Variants in ALG9 observed in about 807,000 individuals in gnomAD.
The protein encoded by ALG9 is alpha-1,2-mannosyltransferase ALG9.
In ALG9, 55 loss-of-function variants were observed where a neutral mutation model predicts 81.8. That is an observed-to-expected ratio of 0.67 (90% CI 0.54 to 0.84). ALG9 has a LOEUF of 0.84. ALG9 is among the 40% of genes least tolerant of loss of function. ALG9 has a pLI of 0.00. For missense variants in ALG9, 629 were observed against 745.0 expected (o/e 0.84, Z 1.81); for synonymous variants, 278 against 274.3 (o/e 1.01, Z -0.13).
At chr11:111,789,125 A>C (rs1946966171) in intron 14 of ALG9, among the ~76,000 whole-genome samples, 3 of 151,104 alleles carry the variant, frequency 2.0e-5, no homozygotes, top group Admixed American at 2.0e-4. Flanking sequence ...TTACAGGCGC[A>C]AGCGACCTCG....
In ALG9 at chr11:111,782,827, T is replaced by C. The variant is rs1256916431; in HGVS notation, c.*3570A>G. 6.6e-6 allele frequency: 1 copy of C among 152,136 alleles called. No individual in the cohort carries two copies. Among genetic ancestry groups the C allele is most frequent in the African/African-American group, 2.4e-5 (1 of 41,422 alleles). The allele number at this position is 152,136 out of a possible 1,614,324, so 9.4% of individuals were successfully genotyped here. On this transcript the variant is annotated 3_prime_UTR_variant, in exon 15 of 15. Coordinates refer to ENST00000616540, the MANE Select transcript of ALG9 (RefSeq NM_024740.2). ...TCCTAGAACTCCAAAGTTGGAAAAA[T>C]GACCCAGATAAATGATTGGGATAAA...
chr11:111,865,031 C>T (rs782647731), intron 4 of ALG9, 150 bp downstream of exon 4: 101 of 491,206 alleles, frequency 2.1e-4, no homozygotes, highest in Admixed American at 8.6e-4. Flanking sequence ...CCCGCCTTGG[C>T]CTCCCAAAGT....
At chr11:111,803,827 C>T (rs1367914557) in intron 14 of ALG9, among the ~76,000 whole-genome samples, 1 of 151,970 alleles carries the variant, frequency 6.6e-6, no homozygotes, top group Non-Finnish European at 1.5e-5. Flanking sequence ...GGCCACAGAC[C>T]TAAATGTAAA....
At chr11:111,811,307 C>T (rs567436107) in intron 13 of ALG9, among the ~76,000 whole-genome samples, 12 of 152,166 alleles carry the variant, frequency 7.9e-5, no homozygotes, top group Non-Finnish European at 1.3e-4. Context: ...CTTTGGGAGG[C>T]CCAGGTGGAC....
Position 111,783,937 on chromosome 11 carries a change from A to C in ALG9, c.*2460T>G, listed in dbSNP as rs1383009569. Reference sequence around the variant, plus strand: ...GTTTTGTTTTTTTAAAAAAAAAAAAAAACAAGATGACAAAACAGATAAAAC... The same window carrying C: ...GTTTTGTTTTTTTAAAAAAAAAAAACAACAAGATGACAAAACAGATAAAAC... On this transcript the variant is annotated 3_prime_UTR_variant, in exon 15 of 15. Coordinates refer to ENST00000616540, the MANE Select transcript of ALG9 (RefSeq NM_024740.2). 2.1e-5 allele frequency: 3 copies of C among 139,858 alleles called. No individual in the cohort carries two copies. Among genetic ancestry groups the C allele is most frequent in the South Asian group, 4.5e-4 (2 of 4,424 alleles). 8.7% of individuals were successfully genotyped at this position (139,858 alleles called of 1,614,324 possible). A position where few individuals can be genotyped will look rare whatever the true frequency, so the allele number is the denominator to read the frequency against.
intron 6 of ALG9, 41 bp downstream of exon 6, chr11:111,857,561 A>T (rs781870200): frequency 1.2e-6 from 2 of 1,613,422 alleles, no homozygotes; most frequent in East Asian, 2.2e-5. Flanking sequence ...GATTTACTAT[A>T]TGCCCAGCGA....
chr11:111,871,225 G>A (rs1964193245), intron 1 of ALG9, 127 bp downstream of exon 1: 2 of 1,312,572 alleles, frequency 1.5e-6, no homozygotes, highest in Non-Finnish European at 1.9e-6. Context: ...AGCTGAAGAG[G>A]GAGCTCGGGC....
chr11:111,780,674 AG>A (rs1164418267), downstream of ALG9, among the ~76,000 whole-genome samples: 2 of 152,128 alleles, frequency 1.3e-5, no homozygotes, highest in Non-Finnish European at 2.9e-5. Context: ...TGGAATTACA[AG>A]CATGAGCCAC....
intron 9 of ALG9, 136 bp from the exon 10 acceptor site, chr11:111,840,945 C>T (rs1030143303): frequency 1.9e-6 from 2 of 1,031,596 alleles, no homozygotes; most frequent in Non-Finnish European, 2.9e-6. Context: ...CTTGTATTCA[C>T]ACTTTCTCCA....
chr11:111,833,459 C>A (rs1484414368), intron 13 of ALG9, among the ~76,000 whole-genome samples: 1 of 152,158 alleles, frequency 6.6e-6, no homozygotes, highest in African/African-American at 2.4e-5. Context: ...ACCACAGAAC[C>A]TTTACACTTA....
At chr11:111,802,772 C>T (rs987680423) in intron 14 of ALG9, among the ~76,000 whole-genome samples, 1 of 152,148 alleles carries the variant, frequency 6.6e-6, no homozygotes, top group African/African-American at 2.4e-5. Context: ...TACATGGCCC[C>T]GTTTAAGGCT....
rs55845017 is a variant in ALG9, at chr11:111,818,273, A to G, written c.1603-8500T>C. Among the ~76,000 whole-genome samples the G allele has an allele frequency of 6.5e-3, 994 of 152,340 alleles. 6 individuals carry two copies. The highest frequency in any genetic ancestry group is 0.013 in the South Asian group (65 of 4,828). ...TAACGAGGGAGACAGGTTTTGAGAA[A>G]TGTGTCTTAGATGATTTCATCATTA... On this transcript the variant is annotated intron_variant, in intron 13 of 14. Coordinates refer to ENST00000616540, the MANE Select transcript of ALG9 (RefSeq NM_024740.2).
intron 14 of ALG9, among the ~76,000 whole-genome samples, chr11:111,803,204 G>C (rs1555081957): frequency 1.3e-5 from 2 of 152,064 alleles, no homozygotes. Flanking sequence ...AAATAATATT[G>C]AAGAAGAACA....
At chr11:111,861,252 T>C (rs1555147670) in intron 4 of ALG9, among the ~76,000 whole-genome samples, 2 of 152,236 alleles carry the variant, frequency 1.3e-5, no homozygotes, top group African/African-American at 4.8e-5. Flanking sequence ...ATTAAATGTA[T>C]TTAGGCATTA....
chr11:111,834,469 A>G (rs1188670803), intron 13 of ALG9, among the ~76,000 whole-genome samples: 3 of 152,208 alleles, frequency 2.0e-5, no homozygotes, highest in Admixed American at 1.3e-4. Context: ...GCATAAGAAC[A>G]TTGCATTTTT....
intron 9 of ALG9, among the ~76,000 whole-genome samples, 170 bp from the exon 10 acceptor site, chr11:111,840,979 GAGA>G (rs1956131589): frequency 6.6e-6 from 1 of 152,180 alleles, no homozygotes; most frequent in Admixed American, 6.5e-5. Context: ...ATCAAAAGGA[GAGA>G]AGAATATACT....
chr11:111,870,893 G>C, intron 1 of ALG9: 1 of 999,868 alleles, frequency 1.0e-6, no homozygotes, highest in Non-Finnish European at 1.2e-6. Flanking sequence ...AAGGTACATA[G>C]CCTACTCCAA....
chr11:111,802,397 C>T (rs1333831901), intron 14 of ALG9, among the ~76,000 whole-genome samples: 1 of 152,050 alleles, frequency 6.6e-6, no homozygotes, highest in Non-Finnish European at 1.5e-5. Flanking sequence ...ATGAATGAAC[C>T]TCAAAAACAG....
intron 14 of ALG9, among the ~76,000 whole-genome samples, chr11:111,787,573 C>T (rs1461871174): frequency 1.3e-5 from 2 of 151,818 alleles, no homozygotes; most frequent in African/African-American, 4.8e-5. Flanking sequence ...TCTCCTGCCT[C>T]AGCCTCCTGA....
Sources: gnomAD v4.1 joint callset for allele counts (sites outside exome capture counted in the v4.1 genomes callset) on GRCh38, gnomAD v4.1.1 for gene constraint, MANE v1.5 for transcripts, NCBI Gene and HGNC (gene_info 2026-07-23, HGNC 2026-07-21) for gene names.